The following MYH15 variants were observed in gnomAD, a reference collection of about 807,000 sequenced individuals.
MYH15 encodes the protein myosin-15.
In MYH15, 227 loss-of-function variants were observed where a neutral mutation model predicts 240.5. The observed-to-expected ratio is 0.94, with a 90% CI of 0.85 to 1.05. The LOEUF (loss-of-function observed/expected upper bound fraction) is 1.05. Among genes scored for constraint, MYH15 ranks in the 50% least tolerant of loss-of-function variants. The pLI, the probability that MYH15 is intolerant of heterozygous loss-of-function variation, is 0.00. For missense variants in MYH15, 2,217 were observed against 2,247.5 expected (o/e 0.99, Z 0.27); for synonymous variants, 785 against 796.7 (o/e 0.99, Z 0.25).
At chr3:108,534,037 G>A (rs1293153672), upstream of MYH15, among the ~76,000 whole-genome samples, 2 of 152,290 alleles carry the variant, frequency 1.3e-5, no homozygotes, top group East Asian at 1.9e-4. Flanking sequence ...CATTTGAAGA[G>A]CTTTTTTGAA....
chr3:108,507,197 A>T (rs1436908859), intron 1 of MYH15, among the ~76,000 whole-genome samples: 4 of 145,702 alleles, frequency 2.7e-5, no homozygotes, highest in African/African-American at 1.0e-4. Flanking sequence ...TATATGCAAT[A>T]TATCATACTT....
chr3:108,518,997 G>T, intron 1 of MYH15, among the ~76,000 whole-genome samples: 1 of 152,186 alleles, frequency 6.6e-6, no homozygotes, highest in African/African-American at 2.4e-5. Flanking sequence ...TAAACACGTA[G>T]GGAATGAACC....
intron 33 of MYH15, among the ~76,000 whole-genome samples, chr3:108,402,498 A>G (rs940489500): frequency 6.6e-6 from 1 of 152,210 alleles, no homozygotes; most frequent in African/African-American, 2.4e-5. Flanking sequence ...CTACAACTAC[A>G]GTGTTAAGTA....
intron 18 of MYH15, among the ~76,000 whole-genome samples, chr3:108,459,071 A>T (rs187569567): frequency 6.6e-6 from 1 of 152,298 alleles, no homozygotes; most frequent in Non-Finnish European, 1.5e-5. Context: ...AGACAATGGC[A>T]TGGGAGCTCA....
the MYH15 span, among the ~76,000 whole-genome samples, chr3:108,541,924 A>C: frequency 1.3e-5 from 2 of 152,178 alleles, no homozygotes; most frequent in African/African-American, 4.8e-5. Flanking sequence ...GTAGCCCACC[A>C]ATATATAAAT....
chr3:108,494,264 C>G (rs904282091), intron 7 of MYH15, among the ~76,000 whole-genome samples: 13 of 152,160 alleles, frequency 8.5e-5, no homozygotes, highest in Admixed American at 7.2e-4. Flanking sequence ...CCCATACACA[C>G]AAACATGCAA....
chr3:108,483,452 G>T (rs1217941488), intron 11 of MYH15, among the ~76,000 whole-genome samples: 2 of 151,554 alleles, frequency 1.3e-5, no homozygotes, highest in Admixed American at 6.6e-5. Context: ...AACAACAAAT[G>T]TTGGCATGGG....
rs78430856 is a variant in MYH15, at chr3:108,468,331, T to C, written c.1554+1711A>G. Among the ~76,000 whole-genome samples, 751 of 152,354 alleles carry C rather than the reference T, an allele frequency of 4.9e-3. 4 individuals are homozygous for C. Among genetic ancestry groups the C allele is most frequent in the African/African-American group, 0.014 (574 of 41,592 alleles). On this transcript the variant is annotated intron_variant, in intron 14 of 40. Coordinates refer to ENST00000693548, the MANE Select transcript of MYH15 (RefSeq NM_014981.3). ...ATGTAATGAAAATCCTTTTTTCTTATACGTATACAGAGATGCATGTTATAC... is the reference window on the plus strand; with the variant it reads ...ATGTAATGAAAATCCTTTTTTCTTACACGTATACAGAGATGCATGTTATAC...
At chr3:108,453,686 CT>C (rs1323870314) in intron 21 of MYH15, among the ~76,000 whole-genome samples, 11 of 152,256 alleles carry the variant, frequency 7.2e-5, no homozygotes, top group African/African-American at 2.2e-4. Flanking sequence ...ATATGCAAAC[CT>C]TTCCAGGTCT....
At chr3:108,550,003 T>A in the MYH15 span, 1 of 152,044 alleles carries the variant, frequency 6.6e-6, no homozygotes, top group East Asian at 1.9e-4. Context: ...TAAAATGTTT[T>A]ACTCTGCATA....
chr3:108,386,404 GCAGTTAC>G (rs551213361), intron 38 of MYH15, among the ~76,000 whole-genome samples: 26 of 152,240 alleles, frequency 1.7e-4, no homozygotes, highest in African/African-American at 5.8e-4. Flanking sequence ...TGTGAGAAGT[GCAGTTAC>G]CTGATAACCT....
chr3:108,437,612 G>A lies in MYH15; in HGVS notation c.3163C>T (p.Arg1055Trp), dbSNP rs201356810. 78 of 1,613,980 alleles carry A rather than the reference G, an allele frequency of 4.8e-5. No homozygotes were observed. The highest frequency in any genetic ancestry group is 3.3e-4 in the Middle Eastern group (2 of 6,062). The stretch of plus-strand genomic sequence containing the variant: ...CTTTCCAGGTTCTCCATACTTTCCC[G>A]ATTCAGCTTTAAATTGCCCTCCAGT... Reference protein sequence around the residue: ...HKLEGNLKLNRESMENLESSQ... With the variant: ...HKLEGNLKLNWESMENLESSQ... The change falls in exon 25 of 41, where the codon CGG becomes TGG. Residue 1055 changes from arginine to tryptophan, a missense_variant. Arg to Trp is a moderately radical substitution (Grantham distance 101). Transcript: ENST00000693548.
chr3:108,512,531 T>C (rs1482719248), upstream of MYH15, among the ~76,000 whole-genome samples: 1 of 152,122 alleles, frequency 6.6e-6, no homozygotes, highest in African/African-American at 2.4e-5. Flanking sequence ...ATAAAAGATA[T>C]CCATTAATAC....
At chr3:108,388,869 G>T in intron 38 of MYH15, 101 bp downstream of exon 38, 1 of 909,068 alleles carries the variant, frequency 1.1e-6, no homozygotes, top group Non-Finnish European at 1.7e-6. Context: ...AAGATGAAGA[G>T]AGAACGGCAG....
intron 12 of MYH15, among the ~76,000 whole-genome samples, chr3:108,471,447 G>A (rs1045804405): frequency 4.6e-4 from 70 of 152,066 alleles, no homozygotes; most frequent in Non-Finnish European, 1.9e-4. Flanking sequence ...AAACTTTAAT[G>A]AGGATCCTCT....
At chr3:108,462,508 T>G (rs912564903) in intron 16 of MYH15, among the ~76,000 whole-genome samples, 1 of 151,964 alleles carries the variant, frequency 6.6e-6, no homozygotes, top group Non-Finnish European at 1.5e-5. Context: ...AAAGGCTAGG[T>G]GGAAAGACAG....
chr3:108,503,196 C>A (rs770956858), intron 2 of MYH15, among the ~76,000 whole-genome samples: 3 of 152,146 alleles, frequency 2.0e-5, no homozygotes, highest in Non-Finnish European at 4.4e-5. Flanking sequence ...CTTCTTTCTA[C>A]CTGCATTAAT....
chr3:108,422,343 G>T lies in MYH15; in HGVS notation c.3703-1129C>A, dbSNP rs564094800. ...AGCGATTCTCCTGCCTCAGCCCCCT[G>T]AGTAGGTGGGATTATAGGCATGCGC... On this transcript the variant is annotated intron_variant, in intron 27 of 40. Transcript: ENST00000693548. 2.6e-5 allele frequency among the ~76,000 whole-genome samples: 4 copies of T among 151,612 alleles called. No individual in the cohort carries two copies. In the East Asian group the frequency reaches 5.9e-4, roughly 22 times the overall value.
At chr3:108,491,361 T>C (rs192021055) in intron 9 of MYH15, among the ~76,000 whole-genome samples, 3 of 152,340 alleles carry the variant, frequency 2.0e-5, no homozygotes, top group East Asian at 3.9e-4. Flanking sequence ...ATACATGAAA[T>C]TCATTCCCTT....
Sources: gnomAD v4.1 joint callset for allele counts (sites outside exome capture counted in the v4.1 genomes callset) on GRCh38, gnomAD v4.1.1 for gene constraint, MANE v1.5 for transcripts, NCBI Gene and HGNC (gene_info 2026-07-23, HGNC 2026-07-21) for gene names.